Variants in PRLR observed in about 807,000 individuals in gnomAD.
PRLR encodes hPRL receptor.
A neutral mutation model predicts 40.2 loss-of-function variants in PRLR; 13 were observed. The observed-to-expected ratio is 0.32, with a 90% CI of 0.21 to 0.51. The LOEUF (loss-of-function observed/expected upper bound fraction) is 0.51. Ranked by LOEUF, PRLR falls within the 20% of genes least tolerant of loss-of-function variation. The pLI, the probability that PRLR is intolerant of heterozygous loss-of-function variation, is 0.97. For synonymous variants in PRLR, 269 were observed against 278.7 expected (o/e 0.97, Z 0.35); for missense variants, 656 against 747.3 (o/e 0.88, Z 1.42).
rs540308552 is a variant in PRLR at position 35,119,660 on chromosome 5, A to G, written c.-105-1538T>C. ...AATTTTCTGTTTAAAAAAATTTTAG[A>G]TTCTAAGAATTATTTTAGAACTTAA... is the stretch of plus-strand genomic sequence containing the variant. On this transcript the variant is annotated intron_variant, in intron 1 of 9. Transcript: ENST00000618457. Among the ~76,000 whole-genome samples the G allele has an allele frequency of 3.3e-5, 5 of 152,296 alleles. No homozygotes were observed. In the South Asian group the frequency reaches 1.0e-3, roughly 32 times the overall value.
At chr5:35,100,038 C>T (rs1771775930) in intron 2 of PRLR, among the ~76,000 whole-genome samples, 1 of 151,746 alleles carries the variant, frequency 6.6e-6, no homozygotes, top group Admixed American at 6.6e-5. Flanking sequence ...ATTAGCTGGG[C>T]CTGGTGGCTG....
chr5:35,219,377 C>A (rs1776362877), intron 1 of PRLR, among the ~76,000 whole-genome samples: 1 of 152,128 alleles, frequency 6.6e-6, no homozygotes, highest in Admixed American at 6.5e-5. Flanking sequence ...GCCTCAGTTT[C>A]CTCATCTATA....
At chr5:35,050,100 C>T (rs1320439225) in intron 8 of PRLR, among the ~76,000 whole-genome samples, 1 of 152,054 alleles carries the variant, frequency 6.6e-6, no homozygotes, top group Non-Finnish European at 1.5e-5. Context: ...CGGGGTTTCT[C>T]CATGTTGAGG....
intron 2 of PRLR, among the ~76,000 whole-genome samples, chr5:35,094,559 C>T (rs1771416854): frequency 6.6e-6 from 1 of 152,158 alleles, no homozygotes; most frequent in Non-Finnish European, 1.5e-5. Context: ...CTCTGTGCTA[C>T]CCGCCATATC....
chr5:35,204,647 A>G (rs1370185946), intron 1 of PRLR, among the ~76,000 whole-genome samples: 1 of 152,174 alleles, frequency 6.6e-6, no homozygotes, highest in Non-Finnish European at 1.5e-5. Context: ...ATTTGTGAGA[A>G]TCAAAAGATT....
At chr5:35,085,756 T>A (rs1018698807) in intron 4 of PRLR, among the ~76,000 whole-genome samples, 1 of 152,198 alleles carries the variant, frequency 6.6e-6, no homozygotes, top group African/African-American at 2.4e-5. Context: ...AGATGAGCAT[T>A]TAAGATTAAC....
Position 35,065,790 on chromosome 5 carries a change from G to A in PRLR, c.1168C>T (p.His390Tyr), listed in dbSNP as rs775159237. The A allele has an allele frequency of 1.9e-5, 30 of 1,613,996 alleles. No individual in the cohort carries two copies. Among genetic ancestry groups the A allele is most frequent in the Non-Finnish European group, 2.5e-5 (29 of 1,180,024 alleles). The change falls in exon 10 of 10, where the codon CAC becomes TAC. Residue 390 changes from histidine (H) to tyrosine (Y), a missense_variant. Physicochemically the swap from His to Tyr is moderately conservative, Grantham distance 83. Around this residue, in one of 3 missense-constraint regions of PRLR, gnomAD observed 469 missense variants for 491.5 expected, o/e 0.95. Transcript: ENST00000618457. ...IEKPENPETT[H>Y]TWDPQCISME... ...CTTATGCACTGGGGGTCCCAGGTGT[G>A]GGTTGTTTCAGGATTCTCTGGCTTC...
chr5:35,119,923 A>C (rs1034784934), intron 1 of PRLR, among the ~76,000 whole-genome samples: 2 of 152,182 alleles, frequency 1.3e-5, no homozygotes, highest in Non-Finnish European at 2.9e-5. Context: ...CTGCAGTTCA[A>C]CAAACACTTA....
intron 1 of PRLR, among the ~76,000 whole-genome samples, chr5:35,194,925 T>C (rs1270391126): frequency 6.6e-6 from 1 of 152,210 alleles, no homozygotes; most frequent in East Asian, 1.9e-4. Flanking sequence ...AATAATGATA[T>C]ATCAACATCG....
At chr5:35,187,423 G>A (rs1043578907) in intron 1 of PRLR, among the ~76,000 whole-genome samples, 29 of 151,624 alleles carry the variant, frequency 1.9e-4, no homozygotes, top group African/African-American at 6.0e-4. Flanking sequence ...AGAAGAAGAA[G>A]GTTGTTATGG....
At chr5:35,070,525 A>G (rs1011279685) in intron 6 of PRLR, among the ~76,000 whole-genome samples, 1 of 152,118 alleles carries the variant, frequency 6.6e-6, no homozygotes, top group Admixed American at 6.6e-5. Flanking sequence ...TTTATGAAAA[A>G]CAACTACTTA....
In PRLR at chr5:35,068,285, G is replaced by C; in HGVS notation, c.786C>G (p.Ser262Arg). Residue 262 changes from serine (S) to arginine (R), a missense_variant and splice_region_variant, in exon 9 of 10, where the codon AGC (serine) becomes AGG (arginine). Coordinates refer to ENST00000618457, the MANE Select transcript of PRLR (RefSeq NM_000949.7). ...CTGGCGGAAAGATGCAGGTCACCATGCTATAAAATAATTCATGAGATTGGC... is the reference window on the plus strand; with the variant it reads ...CTGGCGGAAAGATGCAGGTCACCATCCTATAAAATAATTCATGAGATTGGC... Reference protein sequence around the residue: ...IVWAVALKGYSMVTCIFPPVP... With the variant: ...IVWAVALKGYRMVTCIFPPVP... The C allele has an allele frequency of 6.2e-7, 1 of 1,609,712 alleles. No homozygotes were observed. Among genetic ancestry groups the C allele is most frequent in the African/African-American group, 1.3e-5 (1 of 74,908 alleles).
chr5:35,206,115 A>C (rs1776009438), intron 1 of PRLR, among the ~76,000 whole-genome samples: 2 of 152,152 alleles, frequency 1.3e-5, no homozygotes, highest in Non-Finnish European at 2.9e-5. Flanking sequence ...AGATAAAAGT[A>C]AGGAAGGAAA....
intron 1 of PRLR, among the ~76,000 whole-genome samples, chr5:35,119,678 G>T (rs1195366023): frequency 1.3e-5 from 2 of 152,278 alleles, no homozygotes; most frequent in African/African-American, 4.8e-5. Context: ...AATTATTTTA[G>T]AACTTAAAGT....
At chr5:35,133,802 A>C (rs1352085439) in intron 1 of PRLR, among the ~76,000 whole-genome samples, 2 of 152,224 alleles carry the variant, frequency 1.3e-5, no homozygotes, top group African/African-American at 4.8e-5. Context: ...GGAGCAAAAA[A>C]ATGTCACAGT....
chr5:35,079,865 G>T (rs909013832), intron 5 of PRLR, among the ~76,000 whole-genome samples: 1 of 152,086 alleles, frequency 6.6e-6, no homozygotes, highest in African/African-American at 2.4e-5. Context: ...ACAGAACAGA[G>T]CCCTCAGAAA....
intron 1 of PRLR, among the ~76,000 whole-genome samples, chr5:35,220,417 C>T (rs10038062): frequency 0.91 from 137,854 of 152,248 alleles, 62,938 homozygotes; most frequent in African/African-American, 0.96. Context: ...CTTTTTAGTA[C>T]TGATGTGCTA....
In PRLR at chr5:35,120,389, C is replaced by T. The variant is rs566939583; in HGVS notation, c.-105-2267G>A. 7.6e-4 allele frequency among the ~76,000 whole-genome samples: 115 copies of T among 152,252 alleles called. 1 individual carries two copies. The South Asian group carries it at 0.022, about 29-fold the overall frequency. ...CATTCTCTTCAAAATCCTAGCTGCGCGTGCCATCCTTTTTCTGTCTGACCC... is the reference window on the plus strand; with the variant it reads ...CATTCTCTTCAAAATCCTAGCTGCGTGTGCCATCCTTTTTCTGTCTGACCC... On this transcript the variant is annotated intron_variant, in intron 1 of 9. Transcript: ENST00000618457.
downstream of PRLR, among the ~76,000 whole-genome samples, chr5:35,055,058 T>C (rs1410738906): frequency 6.6e-6 from 1 of 152,220 alleles, no homozygotes; most frequent in Non-Finnish European, 1.5e-5. Context: ...TTGTTATGTT[T>C]TTCTATATAT....
Sources: gnomAD v4.1 joint callset for allele counts (sites outside exome capture counted in the v4.1 genomes callset) on GRCh38, gnomAD v4.1.1 for gene constraint, gnomAD v4.1.1 regional missense constraint, MANE v1.5 for transcripts, NCBI Gene and HGNC (gene_info 2026-07-23, HGNC 2026-07-21) for gene names.